IMP4: variants seen among roughly 807,000 people sequenced by gnomAD.
The protein encoded by IMP4 is IMP U3 small nucleolar ribonucleoprotein 4.
Under a neutral mutation model 42.7 loss-of-function variants are expected in IMP4, and 30 were observed. That is an observed-to-expected ratio of 0.70 (90% CI 0.53 to 0.95). The LOEUF (loss-of-function observed/expected upper bound fraction) is 0.95, where lower values mean the gene tolerates loss of function less well. IMP4 is among the 40% of genes least tolerant of loss of function. IMP4 has a pLI of 0.00. For synonymous variants in IMP4, 165 were observed against 165.2 expected (o/e 1.00, Z 0.01); for missense variants, 382 against 411.4 (o/e 0.93, Z 0.62).
chr2:130,346,464 A>T lies in IMP4; in HGVS notation c.872A>T (p.Glu291Val), dbSNP rs752392009. The T allele has an allele frequency of 4.5e-6, 7 of 1,553,394 alleles. No individual in the cohort carries two copies. Among genetic ancestry groups the T allele is most frequent in the Non-Finnish European group, 6.1e-6 (7 of 1,147,060 alleles). The change falls in exon 9 of 9, where the codon GAG becomes GTG. Residue 291 changes from glutamate (E) to valine (V), a missense_variant. Physicochemically the swap from Glu to Val is moderately radical, Grantham distance 121 (BLOSUM62 -2). Coordinates refer to ENST00000259239, the MANE Select transcript of IMP4 (RefSeq NM_033416.3). ...TARKRVFLST[E>V] ...CGCAAGAGAGTCTTCCTGAGCACCG[A>T]GTGAGCACACTCACCACTCAGTCAG... is the stretch of plus-strand genomic sequence containing the variant.
Position 130,346,060 on chromosome 2 carries a change from G to A in IMP4, c.637G>A (p.Asp213Asn). The change falls in exon 7 of 9, where the codon GAC becomes AAC. Residue 213 changes from aspartate to asparagine, a missense_variant. Physicochemically the swap from Asp to Asn is conservative, Grantham distance 23. Coordinates refer to ENST00000259239, the MANE Select transcript of IMP4 (RefSeq NM_033416.3). ...LRYLFPVPKDDSHRVITFANQ... is the reference protein window; with the variant it reads ...LRYLFPVPKDNSHRVITFANQ... Reference sequence around the variant, plus strand: ...ATACCTATTTCCCGTGCCCAAAGATGACAGCCACCGGGTCATCACCTTCGC... The same window carrying A: ...ATACCTATTTCCCGTGCCCAAAGATAACAGCCACCGGGTCATCACCTTCGC... The A allele has an allele frequency of 6.2e-7, 1 of 1,614,180 alleles. No individual in the cohort carries two copies. Among genetic ancestry groups the A allele is most frequent in the Non-Finnish European group, 8.5e-7 (1 of 1,180,042 alleles).
At position 130,345,688 on chromosome 2, in the gene IMP4, G is replaced by A; in HGVS notation, c.428G>A (p.Arg143Gln). 1 of 1,613,810 alleles carries A rather than the reference G, an allele frequency of 6.2e-7. No individual in the cohort carries two copies. The highest frequency in any genetic ancestry group is 8.5e-7 in the Non-Finnish European group (1 of 1,180,020). Reference sequence around the variant, plus strand: ...GATCTGCTGGTCGTTCACGAGCATCGGGGCACACCTGGTAAGGCCGGAGGG... The same window carrying A: ...GATCTGCTGGTCGTTCACGAGCATCAGGGCACACCTGGTAAGGCCGGAGGG... ...VTDLLVVHEH[R>Q]GTPVGLIVSH... The change falls in exon 5 of 9, where the codon CGG (arginine) becomes CAG (glutamine). Residue 143 changes from arginine (R) to glutamine (Q), a missense_variant. By Grantham distance (43) the Arg-to-Gln change is conservative. Coordinates refer to ENST00000259239, the MANE Select transcript of IMP4 (RefSeq NM_033416.3). This position sits in a 1 kb window ranked among gnomAD's most constrained non-coding sequence, Gnocchi z 4.9.
At chr2:130,343,051 C>T (rs1383684592) in intron 1 of IMP4, 35 bp from the exon 2 acceptor site, 3 of 1,596,222 alleles carry the variant, frequency 1.9e-6, no homozygotes, top group East Asian at 4.5e-5. Context: ...GGCTCGGGAG[C>T]GAGTAGTGAG....
In IMP4 at chr2:130,345,030, A is replaced by G. The variant is rs1323533258; in HGVS notation, c.196+318A>G. 1.4e-5 allele frequency: 8 copies of G among 553,764 alleles called. No individual in the cohort carries two copies. The highest frequency in any genetic ancestry group is 3.2e-5 in the Admixed American group (1 of 31,182). The allele number at this position is 553,764 out of a possible 1,614,324, so 34.3% of individuals were successfully genotyped here. A position where few individuals can be genotyped will look rare whatever the true frequency, so the allele number is the denominator to read the frequency against. On this transcript the variant is annotated intron_variant, in intron 3 of 8. Coordinates refer to ENST00000259239, the MANE Select transcript of IMP4 (RefSeq NM_033416.3). The surrounding 1 kb of genome is among the most constrained non-coding windows in gnomAD (Gnocchi z 4.9). ...TATTCACTGCATTATTCAAGAAACA[A>G]GAAAGGAATCCCAAACATTATAGAT...
rs868827648 is a variant in IMP4 at position 130,344,644 on chromosome 2, C to T, written c.128C>T (p.Pro43Leu). The T allele has an allele frequency of 6.2e-7, 1 of 1,613,952 alleles. No individual in the cohort carries two copies. Among genetic ancestry groups the T allele is most frequent in the Non-Finnish European group, 8.5e-7 (1 of 1,179,790 alleles). ...CCCTCTGCAGAAAACCGCCTGATTC[C>T]CACTGAGTTACGCCGAGAGGCTCTG... ...RRALEENRLI[P>L]TELRREALAL... Residue 43 changes from proline to leucine, a missense_variant, in exon 3 of 9, where the codon CCC becomes CTC. Coordinates refer to ENST00000259239, the MANE Select transcript of IMP4 (RefSeq NM_033416.3).
At position 130,343,202 on chromosome 2, in the gene IMP4, A is replaced by G. The variant is rs2104880031; in HGVS notation, c.112+8A>G. ...TGCGGCGCGCGCTGGAAGGTAAGGC[A>G]TCGGCCCCGCGGGCGTCTGCGTGGT... On this transcript the variant is annotated splice_region_variant and intron_variant, in intron 2 of 8. Coordinates refer to ENST00000259239, the MANE Select transcript of IMP4 (RefSeq NM_033416.3). The G allele has an allele frequency of 1.3e-6, 2 of 1,537,444 alleles. No individual in the cohort carries two copies. Among genetic ancestry groups the G allele is most frequent in the Non-Finnish European group, 1.8e-6 (2 of 1,134,958 alleles).
Position 130,345,535 on chromosome 2 carries a change from A to G in IMP4, c.307-32A>G. 6.2e-7 allele frequency: 1 copy of G among 1,614,132 alleles called. No homozygotes were observed. The highest frequency in any genetic ancestry group is 1.1e-5 in the South Asian group (1 of 91,078). ...AGAGACACCCAGGACACACAGCCCC[A>G]GTCCTGACTGTACACTGCCATCCAC... On this transcript the variant is annotated intron_variant, in intron 4 of 8. Transcript: ENST00000259239. This position sits in a 1 kb window ranked among gnomAD's most constrained non-coding sequence, Gnocchi z 4.9.
At chr2:130,344,150 A>G (rs1003386114) in intron 2 of IMP4, among the ~76,000 whole-genome samples, 2 of 152,194 alleles carry the variant, frequency 1.3e-5, no homozygotes, top group Admixed American at 6.5e-5. Flanking sequence ...AACACGGTGA[A>G]ACCCCGTCTC....
rs1679177956 is a variant in IMP4 at position 130,343,210 on chromosome 2, C to T, written c.112+16C>T. 2 of 1,517,000 alleles carry T rather than the reference C, an allele frequency of 1.3e-6. No homozygotes were observed. Among genetic ancestry groups the T allele is most frequent in the African/African-American group, 1.4e-5 (1 of 72,442 alleles). 94.0% of individuals were successfully genotyped at this position (1,517,000 alleles called of 1,614,324 possible). A position where few individuals can be genotyped will look rare whatever the true frequency, so the allele number is the denominator to read the frequency against. On this transcript the variant is annotated intron_variant, in intron 2 of 8. Transcript: ENST00000259239. ...GCGCTGGAAGGTAAGGCATCGGCCC[C>T]GCGGGCGTCTGCGTGGTAAACCACC...
chr2:130,345,065 G>T lies in IMP4; in HGVS notation c.197-311G>T. 1 of 548,364 alleles carries T rather than the reference G, an allele frequency of 1.8e-6. No individual in the cohort carries two copies. Among genetic ancestry groups the T allele is most frequent in the Non-Finnish European group, 3.3e-6 (1 of 306,158 alleles). The allele number at this position is 548,364 out of a possible 1,614,324, so 34.0% of individuals were successfully genotyped here. A position where few individuals can be genotyped will look rare whatever the true frequency, so the allele number is the denominator to read the frequency against. On this transcript the variant is annotated intron_variant, in intron 3 of 8. Coordinates refer to ENST00000259239, the MANE Select transcript of IMP4 (RefSeq NM_033416.3). The surrounding 1 kb of genome is among the most constrained non-coding windows in gnomAD (Gnocchi z 4.9). ...CCCAAACATTATAGATATTTGTTAC[G>T]AGGGAAAAGAGTTTGTCACCGTTGG...
rs772181665 is a variant in IMP4, at chr2:130,343,185, G to T, written c.103G>T (p.Ala35Ser). The T allele has an allele frequency of 2.6e-6, 4 of 1,547,636 alleles. No individual in the cohort carries two copies. Among genetic ancestry groups the T allele is most frequent in the Non-Finnish European group, 3.5e-6 (4 of 1,144,416 alleles). Residue 35 changes from alanine (A) to serine (S), a missense_variant, in exon 2 of 9, where the codon GCG becomes TCG. Transcript: ENST00000259239. ...AQERKERLRR[A>S]LEENRLIPTE... Reference sequence around the variant, plus strand: ...GGAGAGGAAGGAGCGGCTGCGGCGCGCGCTGGAAGGTAAGGCATCGGCCCC... The same window carrying T: ...GGAGAGGAAGGAGCGGCTGCGGCGCTCGCTGGAAGGTAAGGCATCGGCCCC...
intron 3 of IMP4, 26 bp downstream of exon 3, chr2:130,344,738 A>C (rs1427943421): frequency 6.6e-7 from 1 of 1,509,048 alleles, no homozygotes; most frequent in Non-Finnish European, 9.2e-7. Flanking sequence ...AGCCCTCCCC[A>C]ACACTGAGCT....
chr2:130,346,104 A>T lies in IMP4; in HGVS notation c.681A>T (p.Ile227=), dbSNP rs752739300. ...VITFANQDDY[I]SFRHHVYKKT... ...CCTTCGCAAACCAGGACGACTACAT[A>T]TCATTCCGGTGGGTCCACGGGCCAT... Residue 227 remains isoleucine, a synonymous_variant, in exon 7 of 9, where the codon ATA becomes ATT. Coordinates refer to ENST00000259239, the MANE Select transcript of IMP4 (RefSeq NM_033416.3). 6.2e-7 allele frequency: 1 copy of T among 1,614,128 alleles called. No individual in the cohort carries two copies. The highest frequency in any genetic ancestry group is 8.5e-7 in the Non-Finnish European group (1 of 1,179,984).
chr2:130,346,128 A>G lies in IMP4; in HGVS notation c.689+16A>G, dbSNP rs1679543756. ...TATCATTCCGGTGGGTCCACGGGCCATGCCCCAGGAAAGCATCCCCACCCT... is the reference window on the plus strand; with the variant it reads ...TATCATTCCGGTGGGTCCACGGGCCGTGCCCCAGGAAAGCATCCCCACCCT... On this transcript the variant is annotated intron_variant, in intron 7 of 8. Coordinates refer to ENST00000259239, the MANE Select transcript of IMP4 (RefSeq NM_033416.3). 3.7e-6 allele frequency: 6 copies of G among 1,613,348 alleles called. No homozygotes were observed. The highest frequency in any genetic ancestry group is 5.1e-6 in the Non-Finnish European group (6 of 1,179,278).
At position 130,345,818 on chromosome 2, in the gene IMP4, C is replaced by A; in HGVS notation, c.479C>A (p.Ala160Asp). 6.2e-7 allele frequency: 1 copy of A among 1,614,064 alleles called. No homozygotes were observed. Among genetic ancestry groups the A allele is most frequent in the Non-Finnish European group, 8.5e-7 (1 of 1,180,038 alleles). ...AGCCACCTGCCCTTTGGTCCTACTG[C>A]CTACTTCACGCTGTGCAATGTGGTC... Reference protein sequence around the residue: ...IVSHLPFGPTAYFTLCNVVMR... With the variant: ...IVSHLPFGPTDYFTLCNVVMR... Residue 160 changes from alanine to aspartate, a missense_variant, in exon 6 of 9, where the codon GCC becomes GAC. Transcript: ENST00000259239. The surrounding 1 kb of genome is among the most constrained non-coding windows in gnomAD (Gnocchi z 4.9).
chr2:130,343,789 G>A (rs1328060403), intron 2 of IMP4, among the ~76,000 whole-genome samples: 3 of 151,984 alleles, frequency 2.0e-5, no homozygotes, highest in African/African-American at 7.3e-5. Context: ...GGATAGCGCT[G>A]GTGCTGCAGA....
Position 130,343,129 on chromosome 2 carries a change from A to G in IMP4, c.47A>G (p.Lys16Arg). 6.4e-7 allele frequency: 1 copy of G among 1,553,620 alleles called. No homozygotes were observed. Reference sequence around the variant, plus strand: ...CTGCGCCGCGAGTACCTGTACCGCAAGGCCCGGGAGGAGGCGCAGCGCTCA... The same window carrying G: ...CTGCGCCGCGAGTACCTGTACCGCAGGGCCCGGGAGGAGGCGCAGCGCTCA... The part of the protein sequence containing the change: ...ARLRREYLYR[K>R]AREEAQRSAQ... The change falls in exon 2 of 9, where the codon AAG (lysine) becomes AGG (arginine). Residue 16 changes from lysine to arginine, a missense_variant. Transcript: ENST00000259239.
Position 130,346,968 on chromosome 2 carries a change from G to A in IMP4, c.*500G>A, listed in dbSNP as rs976101061. 4 of 166,686 alleles carry A rather than the reference G, an allele frequency of 2.4e-5. No individual in the cohort carries two copies. The highest frequency in any genetic ancestry group is 5.6e-5 in the Admixed American group (1 of 17,956). 10.3% of individuals were successfully genotyped at this position (166,686 alleles called of 1,614,324 possible). ...ATCATGTGGTATTTGTTTTGTGTCTGGCTTATTTCTATTAACATAATGTTC... is the reference window on the plus strand; with the variant it reads ...ATCATGTGGTATTTGTTTTGTGTCTAGCTTATTTCTATTAACATAATGTTC... On this transcript the variant is annotated 3_prime_UTR_variant, in exon 9 of 9. Coordinates refer to ENST00000259239, the MANE Select transcript of IMP4 (RefSeq NM_033416.3).
chr2:130,344,785 C>A, intron 3 of IMP4, 73 bp downstream of exon 3: 1 of 1,012,420 alleles, frequency 9.9e-7, no homozygotes, highest in Non-Finnish European at 1.6e-6. Context: ...ACACCGGGCA[C>A]CATCCCATCA....
Sources: gnomAD v4.1 joint callset for allele counts (sites outside exome capture counted in the v4.1 genomes callset) on GRCh38, gnomAD v4.1.1 for gene constraint, Gnocchi (gnomAD v3.1) non-coding constraint, MANE v1.5 for transcripts, NCBI Gene and HGNC (gene_info 2026-07-23, HGNC 2026-07-21) for gene names.